The following ARHGAP24 variants were observed in gnomAD, a reference collection of about 807,000 sequenced individuals.
The protein encoded by ARHGAP24 is rho GTPase-activating protein 24.
Under a neutral mutation model 76.4 loss-of-function variants are expected in ARHGAP24, and 50 were observed. That is an observed-to-expected ratio of 0.65 (90% CI 0.52 to 0.83). ARHGAP24 has a LOEUF of 0.83. Among genes scored for constraint, ARHGAP24 ranks in the 40% least tolerant of loss-of-function variants. The pLI, the probability that ARHGAP24 is intolerant of heterozygous loss-of-function variation, is 0.00. For missense variants in ARHGAP24, 930 were observed against 914.2 expected (o/e 1.02, Z -0.22); for synonymous variants, 345 against 323.3 (o/e 1.07, Z -0.72).
intron 3 of ARHGAP24, among the ~76,000 whole-genome samples, chr4:85,890,805 A>G (rs939692883): frequency 5.9e-5 from 9 of 152,178 alleles, no homozygotes; most frequent in African/African-American, 2.2e-4. Flanking sequence ...TTGTTTTGAA[A>G]GATTTTTAAG....
intron 1 of ARHGAP24, among the ~76,000 whole-genome samples, chr4:85,553,636 A>G (rs1476549289): frequency 6.6e-6 from 1 of 152,116 alleles, no homozygotes; most frequent in Non-Finnish European, 1.5e-5. Context: ...TGAATTTACA[A>G]TCCTTTGGCT....
intron 1 of ARHGAP24, among the ~76,000 whole-genome samples, chr4:85,533,209 T>C (rs1353577223): frequency 2.6e-5 from 4 of 152,198 alleles, no homozygotes; most frequent in Non-Finnish European, 5.9e-5. Context: ...ATGTTTCCTA[T>C]CAATTGAAAA....
chr4:85,657,219 G>A (rs1030869368), intron 2 of ARHGAP24, among the ~76,000 whole-genome samples: 1 of 152,076 alleles, frequency 6.6e-6, no homozygotes, highest in African/African-American at 2.4e-5. Context: ...AACTTTTGTG[G>A]CTGTACAATT....
At chr4:85,865,778 A>G in intron 3 of ARHGAP24, among the ~76,000 whole-genome samples, 1 of 151,932 alleles carries the variant, frequency 6.6e-6, no homozygotes, top group East Asian at 1.9e-4. Flanking sequence ...GGATTCTTTT[A>G]TAGAAGGCAT....
chr4:85,995,377 A>G lies in ARHGAP24; in HGVS notation c.1723A>G (p.Thr575Ala). The change falls in exon 9 of 10, where the codon ACC (threonine) becomes GCC (alanine). Residue 575 changes from threonine to alanine, a missense_variant. Physicochemically the swap from Thr to Ala is moderately conservative, Grantham distance 58. Coordinates refer to ENST00000395184, the MANE Select transcript of ARHGAP24 (RefSeq NM_001025616.3). The part of the protein sequence containing the change: ...PENSNSCRSS[T>A]TTCPEQDFFG... The stretch of plus-strand genomic sequence containing the variant: ...GAACTCCAACTCCTGTCGCTCTTCT[A>G]CCACCACCTGCCCAGAGCAAGACTT... The G allele has an allele frequency of 3.1e-6, 5 of 1,613,952 alleles. No homozygotes were observed. The highest frequency in any genetic ancestry group is 3.4e-6 in the Non-Finnish European group (4 of 1,179,964).
chr4:85,507,159 A>G (rs1724087177), intron 1 of ARHGAP24, among the ~76,000 whole-genome samples: 1 of 151,982 alleles, frequency 6.6e-6, no homozygotes, highest in African/African-American at 2.4e-5. Context: ...GACATATTGG[A>G]CCTTCTGTTG....
chr4:85,510,908 CT>C (rs1724257891), intron 1 of ARHGAP24, among the ~76,000 whole-genome samples: 1 of 150,664 alleles, frequency 6.6e-6, no homozygotes, highest in Non-Finnish European at 1.5e-5. Context: ...TGCCTCTGCT[CT>C]GGTAAAATGC....
rs143887012 is a variant in ARHGAP24 at position 85,568,468 on chromosome 4, A to G, written c.-20-2054A>G. ...TAAATACCAGGAGATGAAAAAGATT[A>G]TTTAGGGTGGTCTAGCTAAGCATAC... On this transcript the variant is annotated intron_variant, in intron 1 of 9. Coordinates refer to ENST00000395184, the MANE Select transcript of ARHGAP24 (RefSeq NM_001025616.3). Among the ~76,000 whole-genome samples the G allele has an allele frequency of 2.4e-4, 37 of 152,280 alleles. 1 individual carries two copies. The highest frequency in any genetic ancestry group is 8.9e-4 in the African/African-American group (37 of 41,550).
chr4:85,675,614 G>T (rs1722954197), intron 2 of ARHGAP24, among the ~76,000 whole-genome samples: 1 of 152,186 alleles, frequency 6.6e-6, no homozygotes, highest in South Asian at 2.1e-4. Context: ...AAGATGGTGG[G>T]CATTGCCAGT....
At chr4:85,803,200 T>G (rs1388307640) in intron 3 of ARHGAP24, among the ~76,000 whole-genome samples, 1 of 152,226 alleles carries the variant, frequency 6.6e-6, no homozygotes, top group Non-Finnish European at 1.5e-5. Context: ...ACCAAAATAT[T>G]ACATTGGGTC....
At chr4:85,824,980 CT>C in intron 3 of ARHGAP24, among the ~76,000 whole-genome samples, 1 of 152,142 alleles carries the variant, frequency 6.6e-6, no homozygotes, top group East Asian at 1.9e-4. Context: ...ATCCCAGCTA[CT>C]AGGGAGGCTG....
intron 2 of ARHGAP24, among the ~76,000 whole-genome samples, chr4:85,603,453 T>C (rs1161706627): frequency 6.6e-6 from 1 of 152,208 alleles, no homozygotes; most frequent in African/African-American, 2.4e-5. Flanking sequence ...GTTTCTTAAG[T>C]TTTCCAAAGC....
rs1239966718 is a variant in ARHGAP24, at chr4:85,595,910, TA to T, written c.180+25193del. ...TAGGGTTGACTTTGTAATGATGATC[TA>T]AAAGATAACATAAAAGTCCCTTGGT... On this transcript the variant is annotated intron_variant, in intron 2 of 9. Coordinates refer to ENST00000395184, the MANE Select transcript of ARHGAP24 (RefSeq NM_001025616.3). Among the ~76,000 whole-genome samples the T allele has an allele frequency of 3.3e-5, 5 of 152,172 alleles. No homozygotes were observed. In the East Asian group the frequency reaches 9.7e-4, roughly 29 times the overall value.
intron 3 of ARHGAP24, among the ~76,000 whole-genome samples, chr4:85,911,567 T>C (rs1440573897): frequency 1.3e-5 from 2 of 152,228 alleles, no homozygotes; most frequent in African/African-American, 4.8e-5. Flanking sequence ...AAGTGGATGC[T>C]TATGAGAACA....
intron 1 of ARHGAP24, among the ~76,000 whole-genome samples, chr4:85,550,385 AT>A (rs1726084470): frequency 6.6e-6 from 1 of 152,026 alleles, no homozygotes; most frequent in Non-Finnish European, 1.5e-5. Flanking sequence ...TGGGCTCTCT[AT>A]TCTGTTCCGT....
chr4:85,663,386 T>C lies in ARHGAP24; in HGVS notation c.181-58499T>C, dbSNP rs1469238661. Among the ~76,000 whole-genome samples, 6 of 141,500 alleles carry C rather than the reference T, an allele frequency of 4.2e-5. No individual in the cohort carries two copies. In the East Asian group the frequency reaches 1.2e-3, roughly 27 times the overall value. The allele number at this position is 141,500 out of a possible 152,430, so 92.8% of individuals were successfully genotyped here. ...TTGATTTTGTATCCTGAGACTTTGC[T>C]GAAGTTGCTTATCAGCTTAAGGAGA... On this transcript the variant is annotated intron_variant, in intron 2 of 9. Transcript: ENST00000395184.
In ARHGAP24 at chr4:85,751,827, G is replaced by A. The variant is rs58103527; in HGVS notation, c.268+29855G>A. Among the ~76,000 whole-genome samples, 1,073 of 152,204 alleles carry A rather than the reference G, an allele frequency of 7.0e-3. 17 individuals carry two copies. The highest frequency in any genetic ancestry group is 0.023 in the African/African-American group (969 of 41,508). ...GAAATATGGACCTGGACTCCCAGTGGGCTCTAGAATGACATTAGGTAAATC... is the reference window on the plus strand; with the variant it reads ...GAAATATGGACCTGGACTCCCAGTGAGCTCTAGAATGACATTAGGTAAATC... On this transcript the variant is annotated intron_variant, in intron 3 of 9. Coordinates refer to ENST00000395184, the MANE Select transcript of ARHGAP24 (RefSeq NM_001025616.3).
chr4:85,903,853 G>C (rs1305881899), intron 3 of ARHGAP24, among the ~76,000 whole-genome samples: 1 of 152,048 alleles, frequency 6.6e-6, no homozygotes, highest in Non-Finnish European at 1.5e-5. Flanking sequence ...CAAGTCTTTT[G>C]AGATGATTTG....
intron 2 of ARHGAP24, among the ~76,000 whole-genome samples, chr4:85,654,925 A>G (rs1178014033): frequency 4.6e-5 from 7 of 152,202 alleles, no homozygotes; most frequent in Non-Finnish European, 1.0e-4. Context: ...CATACACTAT[A>G]ACTCTTACAA....
Sources: gnomAD v4.1 joint callset for allele counts (sites outside exome capture counted in the v4.1 genomes callset) on GRCh38, gnomAD v4.1.1 for gene constraint, MANE v1.5 for transcripts, NCBI Gene and HGNC (gene_info 2026-07-23, HGNC 2026-07-21) for gene names.